NCAPD2: variants seen among roughly 807,000 people sequenced by gnomAD.
NCAPD2 encodes the protein non-SMC condensin I complex subunit D2, also known as condensin complex subunit 1.
NCAPD2 carries 100 observed loss-of-function variants against 164.5 expected under a neutral mutation model. The observed-to-expected ratio is 0.61, with a 90% CI of 0.52 to 0.72. The LOEUF is 0.72. NCAPD2 is among the 30% of genes least tolerant of loss of function. NCAPD2 has a pLI of 0.00. For synonymous variants in NCAPD2, 585 were observed against 642.6 expected, an observed-to-expected ratio of 0.91 and a Z score of 1.36; for missense variants, 1,560 against 1,749.2, an observed-to-expected ratio of 0.89 and a Z score of 1.93.
chr12:6,495,202 A>G lies in NCAPD2; in HGVS notation c.104A>G (p.Lys35Arg), dbSNP rs756144447. 7 of 1,614,034 alleles carry G rather than the reference A, an allele frequency of 4.3e-6. No individual in the cohort carries two copies. The highest frequency in any genetic ancestry group is 1.1e-5 in the South Asian group (1 of 91,090). ...GTTGTGCAAGAGGTACTGTCCATCA[A>G]ACATCTTCCACCACAGCTTAGAGGT... ...QYVVQEVLSIKHLPPQLRAFQ... is the reference protein window; with the variant it reads ...QYVVQEVLSIRHLPPQLRAFQ... The change falls in exon 2 of 32, where the codon AAA becomes AGA. Residue 35 changes from lysine to arginine, a missense_variant. Transcript: ENST00000315579.
rs180823217 is a variant in NCAPD2 at position 6,501,217 on chromosome 12, C to T, written c.127+5992C>T. Among the ~76,000 whole-genome samples, 50 of 144,438 alleles carry T rather than the reference C, an allele frequency of 3.5e-4. No individual in the cohort carries two copies. The East Asian group carries it at 8.6e-3, about 25-fold the overall frequency. 94.8% of individuals were successfully genotyped at this position (144,438 alleles called of 152,430 possible). ...CTAGGATTACAGGTGTGCACCACCACGCCTGGCTAATTTTTTTTTTTTTTT... is the reference window on the plus strand; with the variant it reads ...CTAGGATTACAGGTGTGCACCACCATGCCTGGCTAATTTTTTTTTTTTTTT... On this transcript the variant is annotated intron_variant, in intron 2 of 31. Coordinates refer to ENST00000315579, the MANE Select transcript of NCAPD2 (RefSeq NM_014865.4).
In NCAPD2 at chr12:6,521,031, G is replaced by T; in HGVS notation, c.1635G>T (p.Glu545Asp). Residue 545 changes from glutamate to aspartate, a missense_variant, in exon 14 of 32, where the codon GAG (glutamate) becomes GAT (aspartate). Coordinates refer to ENST00000315579, the MANE Select transcript of NCAPD2 (RefSeq NM_014865.4). ...GAGAAGCCACAGGCCACTTCCAGGA[G>T]TCCGAACCCTTCAGTCATATAGACC... ...LTREATGHFQESEPFSHIDPE... is the reference protein window; with the variant it reads ...LTREATGHFQDSEPFSHIDPE... The T allele has an allele frequency of 6.2e-7, 1 of 1,614,166 alleles. No homozygotes were observed.
At chr12:6,527,441 A>G (rs1946327518) in intron 22 of NCAPD2, among the ~76,000 whole-genome samples, 1 of 152,248 alleles carries the variant, frequency 6.6e-6, no homozygotes, top group South Asian at 2.1e-4. Flanking sequence ...TTGCAGACAA[A>G]TAAGACACAG....
At chr12:6,521,707 TA>T in intron 14 of NCAPD2, 90 bp from the exon 15 acceptor site, 1 of 1,464,832 alleles carries the variant, frequency 6.8e-7, no homozygotes, top group African/African-American at 1.4e-5. Context: ...AGAAGGAAAA[TA>T]AATAAGTAAA....
chr12:6,526,939 C>T lies in NCAPD2; in HGVS notation c.2783C>T (p.Ser928Phe), dbSNP rs1247389265. ...LPTFLLMNLL[S>F]LAGDVALQQL... ...ACTTTCCTGTTGATGAACCTGCTGT[C>T]CCTGGCTGGGGATGTGGCTCTGCAG... The change falls in exon 22 of 32, where the codon TCC becomes TTC. Residue 928 changes from serine (S) to phenylalanine (F), a missense_variant. Transcript: ENST00000315579. The T allele has an allele frequency of 6.2e-7, 1 of 1,614,130 alleles. No individual in the cohort carries two copies. Among genetic ancestry groups the T allele is most frequent in the Non-Finnish European group, 8.5e-7 (1 of 1,180,012 alleles).
chr12:6,530,511 C>T (rs368830596), intron 29 of NCAPD2, among the ~76,000 whole-genome samples, 180 bp from the exon 30 acceptor site: 3 of 152,358 alleles, frequency 2.0e-5, no homozygotes, highest in African/African-American at 7.2e-5. Flanking sequence ...GATCTTTTTA[C>T]TGTTGCCATC....
At position 6,528,309 on chromosome 12, in the gene NCAPD2, A is replaced by G. The variant is rs1187363713; in HGVS notation, c.3280A>G (p.Thr1094Ala). ...CTTTCCCAATCTGGTGGACCCCTGG[A>G]CTCCTCATCTGTATGCTCGGTAAGA... is the stretch of plus-strand genomic sequence containing the variant. The part of the protein sequence containing the change: ...IRFPNLVDPW[T>A]PHLYARLRDP... Residue 1094 changes from threonine to alanine, a missense_variant, in exon 25 of 32, where the codon ACT becomes GCT. Physicochemically the swap from Thr to Ala is moderately conservative, Grantham distance 58. Transcript: ENST00000315579. The surrounding 1 kb of genome is among the most constrained non-coding windows in gnomAD (Gnocchi z 5.1). The G allele has an allele frequency of 6.2e-7, 1 of 1,613,214 alleles. No individual in the cohort carries two copies. Among genetic ancestry groups the G allele is most frequent in the Non-Finnish European group, 8.5e-7 (1 of 1,179,960 alleles).
chr12:6,518,507 T>TTTTTTTTTTTG (rs1565544113), intron 13 of NCAPD2, among the ~76,000 whole-genome samples: 21 of 88,308 alleles, frequency 2.4e-4, no homozygotes, highest in African/African-American at 1.1e-3. Context: ...TCAACAAGTT[T>TTTTTTTTTTTG]TTTTTTTTTT....
At chr12:6,506,036 G>A (rs10849475) in intron 2 of NCAPD2, among the ~76,000 whole-genome samples, 23,838 of 151,754 alleles carry the variant, frequency 0.16, 2,159 homozygotes, top group East Asian at 0.31. Context: ...ACAGCTCACT[G>A]CAGCCTCAGC....
chr12:6,517,137 T>C (rs1379885751), intron 10 of NCAPD2, 112 bp downstream of exon 10: 1 of 1,357,924 alleles, frequency 7.4e-7, no homozygotes, highest in Non-Finnish European at 1.0e-6. Context: ...GAATTCACAT[T>C]TTTATTATCA....
At chr12:6,518,503 A>AGTTTTTTTTTGTTTTT (rs1946225441) in intron 13 of NCAPD2, among the ~76,000 whole-genome samples, 1 of 30,714 alleles carries the variant, frequency 3.3e-5, no homozygotes, top group African/African-American at 2.0e-4. Flanking sequence ...GCCGTCAACA[A>AGTTTTTTTTTGTTTTT]GTTTTTTTTT....
At position 6,517,832 on chromosome 12, in the gene NCAPD2, T is replaced by A; in HGVS notation, c.1462T>A (p.Ser488Thr). The change falls in exon 13 of 32, where the codon TCT becomes ACT. Residue 488 changes from serine to threonine, a missense_variant. Ser to Thr is a moderately conservative substitution (Grantham distance 58). Coordinates refer to ENST00000315579, the MANE Select transcript of NCAPD2 (RefSeq NM_014865.4). Reference sequence around the variant, plus strand: ...GGAAGCCATGCTGCCAGAGTTGAAGTCTACCCTGCAGCAGCTTCTACAGCT... The same window carrying A: ...GGAAGCCATGCTGCCAGAGTTGAAGACTACCCTGCAGCAGCTTCTACAGCT... ...EWEAMLPELK[S>T]TLQQLLQLPQ... is the part of the protein sequence containing the mutation. 1 of 1,614,128 alleles carries A rather than the reference T, an allele frequency of 6.2e-7. No individual in the cohort carries two copies. The highest frequency in any genetic ancestry group is 1.1e-5 in the South Asian group (1 of 91,086).
intron 2 of NCAPD2, among the ~76,000 whole-genome samples, chr12:6,504,573 G>A (rs1034836967): frequency 1.2e-4 from 18 of 151,956 alleles, no homozygotes; most frequent in Non-Finnish European, 1.6e-4. Context: ...TGTATTTTTA[G>A]TAGAGATGGG....
intron 13 of NCAPD2, 132 bp downstream of exon 13, chr12:6,518,091 A>G: frequency 1.2e-6 from 1 of 830,034 alleles, no homozygotes; most frequent in Non-Finnish European, 1.9e-6. Flanking sequence ...AGATGTTTTC[A>G]TGTAGTAATG....
chr12:6,513,713 G>GTTTTTTTTTTTTTTTTTTTTTTTT (rs1303520172), intron 6 of NCAPD2, among the ~76,000 whole-genome samples: 3 of 50,124 alleles, frequency 6.0e-5, no homozygotes, highest in Admixed American at 2.3e-4. Context: ...TGGTGACTTT[G>GTTTTTTTTTTTTTTTTTTTTTTTT]TCTTTTTTTT....
At chr12:6,506,679 G>A (rs1946102706) in intron 2 of NCAPD2, among the ~76,000 whole-genome samples, 1 of 151,822 alleles carries the variant, frequency 6.6e-6, no homozygotes, top group Non-Finnish European at 1.5e-5. Flanking sequence ...CATGACATAT[G>A]TAGCTTTAAA....
chr12:6,502,505 G>C (rs953923208), intron 2 of NCAPD2, among the ~76,000 whole-genome samples: 13 of 152,126 alleles, frequency 8.5e-5, no homozygotes, highest in African/African-American at 2.9e-4. Flanking sequence ...GTTTTTCTCA[G>C]GCCATTTTTA....
chr12:6,501,112 G>A lies in NCAPD2; in HGVS notation c.127+5887G>A, dbSNP rs1284213083. Among the ~76,000 whole-genome samples the A allele has an allele frequency of 3.4e-5, 5 of 149,230 alleles. No homozygotes were observed. The South Asian group carries it at 8.5e-4, about 25-fold the overall frequency. ...TGTTGGCTCTGTCACCCAGGTTGGC[G>A]TGCAGTGGCGTGATCTTGGCTCGCT... On this transcript the variant is annotated intron_variant, in intron 2 of 31. Transcript: ENST00000315579.
In NCAPD2 at chr12:6,528,845, C is replaced by T. The variant is rs775551952; in HGVS notation, c.3466C>T (p.Leu1156Phe). 7.4e-6 allele frequency: 12 copies of T among 1,613,522 alleles called. No homozygotes were observed. In the South Asian group the frequency reaches 1.3e-4, roughly 18 times the overall value. The change falls in exon 26 of 32, where the codon CTC becomes TTC. Residue 1156 changes from leucine (L) to phenylalanine (F), a missense_variant. Leu to Phe is a conservative substitution (Grantham distance 22). Transcript: ENST00000315579. This position sits in a 1 kb window ranked among gnomAD's most constrained non-coding sequence, Gnocchi z 5.1. ...CCTGGCCAAGAACTTCTTCAATGAG[C>T]TCTCCCACAAGGTGAGAGGCAGAGA... ...AALAKNFFNE[L>F]SHKGNAIYNL... is the part of the protein sequence containing the mutation.
Sources: gnomAD v4.1 joint callset for allele counts (sites outside exome capture counted in the v4.1 genomes callset) on GRCh38, gnomAD v4.1.1 for gene constraint, Gnocchi (gnomAD v3.1) non-coding constraint, MANE v1.5 for transcripts, NCBI Gene and HGNC (gene_info 2026-07-23, HGNC 2026-07-21) for gene names.